SEPTIN4: variants seen among roughly 807,000 people sequenced by gnomAD.
SEPTIN4 encodes the protein septin-4.
SEPTIN4 carries 52 observed loss-of-function variants against 107.1 expected under a neutral mutation model. The observed-to-expected ratio is 0.49, with a 90% CI of 0.39 to 0.61. SEPTIN4 has a LOEUF of 0.61. Among genes scored for constraint, SEPTIN4 ranks in the 20% least tolerant of loss-of-function variants. SEPTIN4 has a pLI of 0.00. For synonymous variants in SEPTIN4, 417 were observed against 467.0 expected (o/e 0.89, Z 1.38); for missense variants, 1,048 against 1,243.5 (o/e 0.84, Z 2.36).
At position 58,543,473 on chromosome 17, in the gene SEPTIN4, T is replaced by C; in HGVS notation, c.714A>G (p.Thr238=). 1 of 1,614,220 alleles carries C rather than the reference T, an allele frequency of 6.2e-7. No homozygotes were observed. Among genetic ancestry groups the C allele is most frequent in the Non-Finnish European group, 8.5e-7 (1 of 1,180,028 alleles). Residue 238 remains threonine, a synonymous_variant, in exon 1 of 14, where the codon ACA becomes ACG. Coordinates refer to ENST00000672673, the MANE Select transcript of SEPTIN4 (RefSeq NM_001368771.2). ...CTTCTACAGGGACCCTTCTCTGGGC[T>C]GTCTGATAGTCTGCAGAGACACAGC... ...GSSCVSADYQ[T]AQRRVPVEES... is the part of the protein sequence containing the mutation.
chr17:58,531,801 CG>C, intron 3 of SEPTIN4: 1 of 644,122 alleles, frequency 1.6e-6, no homozygotes, highest in Non-Finnish European at 2.0e-6. Context: ...CACCGCCGCC[CG>C]GCAGCAGTGC....
chr17:58,525,825 C>T, intron 5 of SEPTIN4, 44 bp from the exon 6 acceptor site: 7 of 1,549,848 alleles, frequency 4.5e-6, no homozygotes, highest in Non-Finnish European at 6.2e-6. Context: ...AAGGTAAGAT[C>T]TATAGCCAAA....
chr17:58,521,499 C>T lies in SEPTIN4; in HGVS notation c.2571+46G>A, dbSNP rs753258353. ...TATAGAATTCTACTCCCTTTTTCTA[C>T]CCGGAAGAAATAAGATAGGAATGGG... On this transcript the variant is annotated intron_variant, in intron 10 of 13. Coordinates refer to ENST00000672673, the MANE Select transcript of SEPTIN4 (RefSeq NM_001368771.2). This position sits in a 1 kb window ranked among gnomAD's most constrained non-coding sequence, Gnocchi z 6.4. 1 of 1,603,540 alleles carries T rather than the reference C, an allele frequency of 6.2e-7. No individual in the cohort carries two copies. The highest frequency in any genetic ancestry group is 8.5e-7 in the Non-Finnish European group (1 of 1,171,202).
At position 58,520,981 on chromosome 17, in the gene SEPTIN4, C is replaced by T. The variant is rs1298367957; in HGVS notation, c.2831+17G>A. On this transcript the variant is annotated intron_variant, in intron 12 of 13. Coordinates refer to ENST00000672673, the MANE Select transcript of SEPTIN4 (RefSeq NM_001368771.2). ...GGGATCTCCCCCTGCCAGCTTTGTC[C>T]TGGCTTCTGGTCATACTTGCGATTC... 1.2e-6 allele frequency: 2 copies of T among 1,613,526 alleles called. No individual in the cohort carries two copies. Among genetic ancestry groups the T allele is most frequent in the Non-Finnish European group, 1.7e-6 (2 of 1,179,894 alleles).
chr17:58,532,054 CCCTCCCG>C, intron 3 of SEPTIN4: 2 of 1,116,378 alleles, frequency 1.8e-6, no homozygotes, highest in Non-Finnish European at 2.2e-6. Flanking sequence ...ACCGCCGTCA[CCCTCCCG>C]CCTCCCCGAG....
chr17:58,526,043 C>T (rs1315085625), intron 5 of SEPTIN4, among the ~76,000 whole-genome samples, 177 bp downstream of exon 5: 1 of 147,870 alleles, frequency 6.8e-6, no homozygotes, highest in East Asian at 2.0e-4. Flanking sequence ...ACCCCCACCC[C>T]CACCCCACCC....
chr17:58,525,132 C>CGCAG lies in SEPTIN4; in HGVS notation c.2158_2161dup (p.Arg721ProfsTer29), dbSNP rs1567958057. 1.9e-6 allele frequency: 3 copies of CGCAG among 1,614,156 alleles called. No homozygotes were observed. The highest frequency in any genetic ancestry group is 2.5e-6 in the Non-Finnish European group (3 of 1,180,028). ...ACCTGGTGTGTCCACAATGGTGAGC[C>CGCAG]GCAGCCTCACACCCTTCTCTTCTAT... On this transcript the variant is annotated frameshift_variant, in exon 7 of 14. Transcript: ENST00000672673. LOFTEE classifies it high-confidence loss of function.
chr17:58,528,677 T>G (rs2144151192), intron 3 of SEPTIN4: 1 of 183,336 alleles, frequency 5.5e-6, no homozygotes, highest in South Asian at 1.5e-4. Flanking sequence ...TGGCAGCTAA[T>G]AAGTCTGGGG....
At position 58,525,797 on chromosome 17, in the gene SEPTIN4, A is replaced by G. The variant is rs1250381397; in HGVS notation, c.2006-16T>C. ...CCAGACTCTCCTGAGAGGAGAGAGG[A>G]CAGAGGCACCAAATCAGAAGGTAAG... On this transcript the variant is annotated splice_polypyrimidine_tract_variant and intron_variant, in intron 5 of 13. Transcript: ENST00000672673. 6.2e-7 allele frequency: 1 copy of G among 1,603,588 alleles called. No homozygotes were observed. The highest frequency in any genetic ancestry group is 2.2e-5 in the East Asian group (1 of 44,838).
At position 58,543,198 on chromosome 17, in the gene SEPTIN4, T is replaced by C. The variant is rs530180700; in HGVS notation, c.989A>G (p.Glu330Gly). ...GGAGATGGTGACCCTGCGGCCAACC[T>C]CGCTGTTTCCTCGGATTGGGGTCCT... Reference protein sequence around the residue: ...NVRTPIRGNSEVGRRVTISPG... With the variant: ...NVRTPIRGNSGVGRRVTISPG... Residue 330 changes from glutamate to glycine, a missense_variant, in exon 1 of 14, where the codon GAG (glutamate) becomes GGG (glycine). This residue lies in a region of SEPTIN4 where 787 missense variants were observed against 871.8 expected (regional missense o/e 0.90). Coordinates refer to ENST00000672673, the MANE Select transcript of SEPTIN4 (RefSeq NM_001368771.2). 6.2e-7 allele frequency: 1 copy of C among 1,614,116 alleles called. No homozygotes were observed. Among genetic ancestry groups the C allele is most frequent in the South Asian group, 1.1e-5 (1 of 91,072 alleles).
chr17:58,541,058 A>C (rs770663965), intron 2 of SEPTIN4, among the ~76,000 whole-genome samples: 43 of 152,196 alleles, frequency 2.8e-4, no homozygotes, highest in African/African-American at 7.0e-4. Context: ...TTCGTACTTT[A>C]CTATGCCCCT....
chr17:58,526,481 G>A, intron 4 of SEPTIN4, 168 bp from the exon 5 acceptor site: 1 of 1,390,582 alleles, frequency 7.2e-7, no homozygotes, highest in Non-Finnish European at 9.3e-7. Context: ...TGCCCTTGCT[G>A]AAACTGCAAA....
In SEPTIN4 at chr17:58,543,228, T is replaced by C. The variant is rs1256255577; in HGVS notation, c.959A>G (p.Asn320Ser). 1 of 1,614,154 alleles carries C rather than the reference T, an allele frequency of 6.2e-7. No homozygotes were observed. The highest frequency in any genetic ancestry group is 8.5e-7 in the Non-Finnish European group (1 of 1,180,034). ...KVLVSSQVESNVRTPIRGNSE... is the reference protein window; with the variant it reads ...KVLVSSQVESSVRTPIRGNSE... ...GTTTCCTCGGATTGGGGTCCTCACG[T>C]TGGACTCCACCTGTGATGATACTAA... The change falls in exon 1 of 14, where the codon AAC becomes AGC. Residue 320 changes from asparagine to serine, a missense_variant. Transcript: ENST00000672673.
chr17:58,526,523 A>G lies in SEPTIN4; in HGVS notation c.1911+159T>C. 2.1e-6 allele frequency: 3 copies of G among 1,402,908 alleles called. No individual in the cohort carries two copies. The East Asian group carries it at 8.1e-5, about 38-fold the overall frequency. The allele number at this position is 1,402,908 out of a possible 1,614,324, so 86.9% of individuals were successfully genotyped here. Reference sequence around the variant, plus strand: ...GTGCCCTTGGGGGCAGATATCTTGGAGCTAGGGCTGACACAGGACTGAAAT... The same window carrying G: ...GTGCCCTTGGGGGCAGATATCTTGGGGCTAGGGCTGACACAGGACTGAAAT... On this transcript the variant is annotated intron_variant, in intron 4 of 13. Coordinates refer to ENST00000672673, the MANE Select transcript of SEPTIN4 (RefSeq NM_001368771.2).
chr17:58,539,879 G>A (rs1310045417), intron 3 of SEPTIN4, among the ~76,000 whole-genome samples: 2 of 152,152 alleles, frequency 1.3e-5, no homozygotes, highest in Non-Finnish European at 2.9e-5. Context: ...AGAACCCATG[G>A]CAGTGGCAGG....
chr17:58,520,401 T>G lies in SEPTIN4; in HGVS notation c.*25A>C, dbSNP rs2042132384. 1 of 1,610,692 alleles carries G rather than the reference T, an allele frequency of 6.2e-7. No individual in the cohort carries two copies. Among genetic ancestry groups the G allele is most frequent in the African/African-American group, 1.3e-5 (1 of 74,858 alleles). On this transcript the variant is annotated 3_prime_UTR_variant, in exon 14 of 14. Coordinates refer to ENST00000672673, the MANE Select transcript of SEPTIN4 (RefSeq NM_001368771.2). Reference sequence around the variant, plus strand: ...ATGGACAGGAAGAAGAGGAGGAGATTTAAATATCCAGGGCTGAAAGCCAGT... The same window carrying G: ...ATGGACAGGAAGAAGAGGAGGAGATGTAAATATCCAGGGCTGAAAGCCAGT...
In SEPTIN4 at chr17:58,543,879, TG is replaced by T. The variant is rs767027683; in HGVS notation, c.307del (p.His103IlefsTer2). 1 of 1,614,060 alleles carries T rather than the reference TG, an allele frequency of 6.2e-7. No homozygotes were observed. The highest frequency in any genetic ancestry group is 8.5e-7 in the Non-Finnish European group (1 of 1,179,984). On this transcript the variant is annotated frameshift_variant, in exon 1 of 14. Coordinates refer to ENST00000672673, the MANE Select transcript of SEPTIN4 (RefSeq NM_001368771.2). LOFTEE classifies it high-confidence loss of function. ...TGTCTGAGTCTTCTGGCTCTTTAGA[TG>T]GGGAGAGGAATGGCGGGATGATTCT... ...RTESSRHSSP[H>X]LKSQKTQTLA...
Position 58,543,712 on chromosome 17 carries a change from A to G in SEPTIN4, c.475T>C (p.Leu159=), listed in dbSNP as rs1455338879. Residue 159 remains leucine, a synonymous_variant, in exon 1 of 14, where the codon TTG becomes CTG. Coordinates refer to ENST00000672673, the MANE Select transcript of SEPTIN4 (RefSeq NM_001368771.2). Reference sequence around the variant, plus strand: ...TTATTCTTCTGGTCTTGAAAACTCAACTGATGAGTAGATTTGGCATCTGGG... The same window carrying G: ...TTATTCTTCTGGTCTTGAAAACTCAGCTGATGAGTAGATTTGGCATCTGGG... ...SIPDAKSTHQ[L]SFQDQKNNLQ... is the part of the protein sequence containing the mutation. 6.2e-7 allele frequency: 1 copy of G among 1,614,130 alleles called. No individual in the cohort carries two copies. Among genetic ancestry groups the G allele is most frequent in the Admixed American group, 1.7e-5 (1 of 60,024 alleles).
intron 3 of SEPTIN4, chr17:58,532,384 G>C (rs1169241468): frequency 6.5e-6 from 1 of 153,458 alleles, no homozygotes; most frequent in East Asian, 1.9e-4. Flanking sequence ...TCCCCAGAAG[G>C]AGACGCCTTT....
Sources: gnomAD v4.1 joint callset for allele counts (sites outside exome capture counted in the v4.1 genomes callset) on GRCh38, gnomAD v4.1.1 for gene constraint, gnomAD v4.1.1 regional missense constraint, Gnocchi (gnomAD v3.1) non-coding constraint, MANE v1.5 for transcripts, NCBI Gene and HGNC (gene_info 2026-07-23, HGNC 2026-07-21) for gene names.